Variants in ELOC observed in about 807,000 individuals in gnomAD.
The protein encoded by ELOC is elongin C.
For missense variants in ELOC, 38 were observed against 139.0 expected (o/e 0.27, Z 3.65); for synonymous variants, 40 against 51.3 (o/e 0.78, Z 0.94).
At chr8:73,965,278 G>T (rs1170063911) in intron 1 of ELOC, among the ~76,000 whole-genome samples, 1 of 152,048 alleles carries the variant, frequency 6.6e-6, no homozygotes, top group African/African-American at 2.4e-5. Flanking sequence ...AAACTGCAAC[G>T]AAATACTACT....
At chr8:73,957,364 G>C (rs73687113) in intron 2 of ELOC, among the ~76,000 whole-genome samples, 1 of 151,800 alleles carries the variant, frequency 6.6e-6, no homozygotes, top group Non-Finnish European at 1.5e-5. Flanking sequence ...GATATATATA[G>C]AGTAAAAGTT....
intron 3 of ELOC, among the ~76,000 whole-genome samples, chr8:73,951,146 C>T (rs184874493): frequency 2.2e-4 from 33 of 152,258 alleles, no homozygotes; most frequent in Admixed American, 8.5e-4. Flanking sequence ...TGGCGGCATG[C>T]CTGTAATACC....
chr8:73,967,938 C>A (rs1231335399), intron 1 of ELOC, among the ~76,000 whole-genome samples: 1 of 152,090 alleles, frequency 6.6e-6, no homozygotes, highest in Non-Finnish European at 1.5e-5. Context: ...ATCTGCAGTC[C>A]CCCATTCCTC....
intron 2 of ELOC, among the ~76,000 whole-genome samples, chr8:73,956,535 A>G (rs1344392412): frequency 6.6e-6 from 1 of 152,212 alleles, no homozygotes; most frequent in East Asian, 1.9e-4. Flanking sequence ...CTCTATCAAC[A>G]TCTTCCATTA....
chr8:73,961,527 T>C (rs1219883479), intron 1 of ELOC, among the ~76,000 whole-genome samples: 1 of 152,216 alleles, frequency 6.6e-6, no homozygotes, highest in Non-Finnish European at 1.5e-5. Flanking sequence ...TCTTTTTTTT[T>C]TTTTGAGAGG....
chr8:73,954,891 A>G (rs1415329119), intron 3 of ELOC, among the ~76,000 whole-genome samples: 2 of 149,932 alleles, frequency 1.3e-5, no homozygotes, highest in African/African-American at 4.9e-5. Context: ...AAAATTAGCC[A>G]GGCGTGGTGG....
chr8:73,952,862 T>C (rs1273236458), intron 3 of ELOC, among the ~76,000 whole-genome samples: 9 of 151,604 alleles, frequency 5.9e-5, no homozygotes, highest in Non-Finnish European at 1.3e-4. Flanking sequence ...TAAGGAACTC[T>C]CACAATTCAA....
rs1814574844 is a variant in ELOC at position 73,961,281 on chromosome 8, C to G, written c.-50-1463G>C. The stretch of plus-strand genomic sequence containing the variant: ...CTAACTATCATGCTCTAAGAAATTC[C>G]TGACAAATTTTAGTTCTGGCCTTAA... On this transcript the variant is annotated intron_variant, in intron 1 of 3. Transcript: ENST00000520242. Among the ~76,000 whole-genome samples the G allele has an allele frequency of 2.0e-5, 3 of 152,142 alleles. No homozygotes were observed. In the South Asian group the frequency reaches 6.2e-4, roughly 32 times the overall value.
Position 73,946,502 on chromosome 8 carries a change from C to G in ELOC, c.*128G>C, listed in dbSNP as rs1813391912. ...TTGCTATGCAAAAAAACAAGATAAT[C>G]TGCTTTGCAATGAACTTTATATAGT... On this transcript the variant is annotated 3_prime_UTR_variant, in exon 4 of 4. Coordinates refer to ENST00000520242, the MANE Select transcript of ELOC (RefSeq NM_005648.4). 1 of 631,894 alleles carries G rather than the reference C, an allele frequency of 1.6e-6. No homozygotes were observed. Among genetic ancestry groups the G allele is most frequent in the South Asian group, 5.5e-5 (1 of 18,284 alleles). The allele number at this position is 631,894 out of a possible 1,614,324, so 39.1% of individuals were successfully genotyped here.
intron 1 of ELOC, among the ~76,000 whole-genome samples, chr8:73,966,992 T>C (rs1815023453): frequency 6.6e-6 from 1 of 152,220 alleles, no homozygotes; most frequent in African/African-American, 2.4e-5. Context: ...TTTCCTTGCC[T>C]GGTTTCTTCA....
intron 2 of ELOC, among the ~76,000 whole-genome samples, chr8:73,957,903 C>T (rs1586606122): frequency 6.6e-6 from 1 of 151,640 alleles, no homozygotes; most frequent in African/African-American, 2.4e-5. Flanking sequence ...CTCAGCCTCC[C>T]GAGCAGCTGG....
At chr8:73,953,382 T>TAA (rs199858431) in intron 3 of ELOC, among the ~76,000 whole-genome samples, 4 of 150,210 alleles carry the variant, frequency 2.7e-5, no homozygotes, top group African/African-American at 9.8e-5. Context: ...ATAGCAGTGA[T>TAA]AAAAAAAAGA....
rs118011928 is a variant in ELOC at position 73,949,574 on chromosome 8, G to A, written c.149-2754C>T. 1.7e-3 allele frequency among the ~76,000 whole-genome samples: 263 copies of A among 152,230 alleles called. 1 individual carries two copies. In the East Asian group the frequency reaches 0.023, roughly 13 times the overall value. ...ACTCCTCATCTTCCCCATCCCCCCAGCCTCTGGCAAACACCAATCTGCTTT... is the reference window on the plus strand; with the variant it reads ...ACTCCTCATCTTCCCCATCCCCCCAACCTCTGGCAAACACCAATCTGCTTT... On this transcript the variant is annotated intron_variant, in intron 3 of 3. Transcript: ENST00000520242.
At chr8:73,957,954 T>A (rs1171202384) in intron 2 of ELOC, among the ~76,000 whole-genome samples, 2 of 151,954 alleles carry the variant, frequency 1.3e-5, no homozygotes, top group Non-Finnish European at 2.9e-5. Context: ...AATTTTTGTA[T>A]TTAGTAGAGA....
intron 3 of ELOC, among the ~76,000 whole-genome samples, chr8:73,950,493 T>C (rs1029144103): frequency 5.3e-5 from 8 of 152,226 alleles, no homozygotes; most frequent in Non-Finnish European, 8.8e-5. Context: ...TAATATCTTA[T>C]AGGAAAATTT....
chr8:73,948,606 A>G (rs1416584514), intron 3 of ELOC, among the ~76,000 whole-genome samples: 1 of 152,238 alleles, frequency 6.6e-6, no homozygotes, highest in Non-Finnish European at 1.5e-5. Context: ...ACCTATTTAA[A>G]CTATTTAACT....
intron 3 of ELOC, among the ~76,000 whole-genome samples, chr8:73,951,087 AC>A (rs1477186754): frequency 2.0e-5 from 3 of 152,128 alleles, no homozygotes; most frequent in Non-Finnish European, 1.5e-5. Flanking sequence ...CCTGACCAAC[AC>A]AGTGAAACCC....
At chr8:73,969,448 T>C (rs971981874) in intron 1 of ELOC, 1 of 152,242 alleles carries the variant, frequency 6.6e-6, no homozygotes, top group East Asian at 1.9e-4. Flanking sequence ...GGACATTTGA[T>C]TTACTTCCCT....
Position 73,954,792 on chromosome 8 carries a change from G to A in ELOC, c.148+1119C>T, listed in dbSNP as rs533991729. 1.2e-4 allele frequency among the ~76,000 whole-genome samples: 18 copies of A among 152,010 alleles called. No individual in the cohort carries two copies. In the East Asian group the frequency reaches 2.9e-3, roughly 25 times the overall value. ...CACACCTATAATCCCTGCACTTTGGGAGGCTGAGGCGGGTGCACTGCCTGA... is the reference window on the plus strand; with the variant it reads ...CACACCTATAATCCCTGCACTTTGGAAGGCTGAGGCGGGTGCACTGCCTGA... On this transcript the variant is annotated intron_variant, in intron 3 of 3. Coordinates refer to ENST00000520242, the MANE Select transcript of ELOC (RefSeq NM_005648.4).
Sources: allele counts gnomAD v4.1 joint callset (sites outside exome capture counted in the v4.1 genomes callset), GRCh38; gene constraint gnomAD v4.1.1; transcripts MANE v1.5; gene names NCBI Gene and HGNC (gene_info 2026-07-23, HGNC 2026-07-21).